Variants in TMC1 observed in about 807,000 individuals in gnomAD.
TMC1 encodes the protein transmembrane channel-like protein 1.
TMC1 carries 84 observed loss-of-function variants against 105.8 expected under a neutral mutation model. The ratio of observed to expected loss-of-function variants is 0.79; its 90% CI spans 0.67 to 0.95. The LOEUF is 0.95. Ranked by LOEUF, TMC1 falls within the 40% of genes least tolerant of loss-of-function variation. The pLI, the probability that TMC1 is intolerant of heterozygous loss-of-function variation, is 0.00. For missense variants in TMC1, 817 were observed against 914.1 expected (o/e 0.89, Z 1.37); for synonymous variants, 315 against 311.5 (o/e 1.01, Z -0.12).
At chr9:72,640,843 G>A (rs1452942862) in intron 4 of TMC1, among the ~76,000 whole-genome samples, 3 of 152,034 alleles carry the variant, frequency 2.0e-5, no homozygotes, top group African/African-American at 7.2e-5. Flanking sequence ...GTGTTAGCCA[G>A]GATGATCTCA....
At chr9:72,686,626 G>C (rs1349536295) in intron 5 of TMC1, among the ~76,000 whole-genome samples, 1 of 152,124 alleles carries the variant, frequency 6.6e-6, no homozygotes, top group Non-Finnish European at 1.5e-5. Flanking sequence ...CCTTTGCTGA[G>C]GGTTTGAATC....
At chr9:72,725,363 A>ATATATG (rs1227819722) in intron 8 of TMC1, among the ~76,000 whole-genome samples, 1 of 83,000 alleles carries the variant, frequency 1.2e-5, no homozygotes, top group African/African-American at 5.2e-5. Flanking sequence ...ATATATATAT[A>ATATATG]TATATGTATA....
At chr9:72,784,802 G>A (rs2118165978) in intron 13 of TMC1, among the ~76,000 whole-genome samples, 1 of 152,302 alleles carries the variant, frequency 6.6e-6, no homozygotes, top group South Asian at 2.1e-4. Flanking sequence ...CATTGATGAA[G>A]CTGGAGGCCA....
chr9:72,538,907 AG>A (rs1439015920), intron 1 of TMC1, among the ~76,000 whole-genome samples: 1 of 152,116 alleles, frequency 6.6e-6, no homozygotes, highest in African/African-American at 2.4e-5. Flanking sequence ...TAAACTCCAA[AG>A]GGGGAGGGTG....
chr9:72,771,740 T>C (rs367843766), intron 12 of TMC1, among the ~76,000 whole-genome samples: 1 of 152,198 alleles, frequency 6.6e-6, no homozygotes, highest in Non-Finnish European at 1.5e-5. Context: ...CATCAGAATA[T>C]GCCAATGTTC....
intron 18 of TMC1, among the ~76,000 whole-genome samples, chr9:72,807,947 A>AAC (rs1172385233): frequency 6.6e-6 from 1 of 152,154 alleles, no homozygotes; most frequent in Middle Eastern, 3.2e-3. Flanking sequence ...CAGGTCCCCC[A>AAC]ACAAAGTCTG....
At chr9:72,729,572 A>C (rs947637359) in intron 8 of TMC1, among the ~76,000 whole-genome samples, 2 of 152,140 alleles carry the variant, frequency 1.3e-5, no homozygotes, top group African/African-American at 4.8e-5. Context: ...AATTATATAT[A>C]ATATAGTAGC....
chr9:72,598,284 C>T (rs939294625), intron 2 of TMC1, among the ~76,000 whole-genome samples: 4 of 152,174 alleles, frequency 2.6e-5, no homozygotes, highest in South Asian at 4.1e-4. Context: ...GACAACCCAT[C>T]GACTTGGGGT....
intron 2 of TMC1, among the ~76,000 whole-genome samples, chr9:72,603,648 C>T (rs1824858397): frequency 6.6e-6 from 1 of 152,096 alleles, no homozygotes; most frequent in Non-Finnish European, 1.5e-5. Flanking sequence ...CTTTTGGGTT[C>T]AAGCAATTCT....
chr9:72,694,495 G>A, intron 6 of TMC1, 48 bp from the exon 7 acceptor site: 1 of 1,567,988 alleles, frequency 6.4e-7, no homozygotes. Flanking sequence ...TTGGTAGTGG[G>A]AGGAAGCACT....
intron 1 of TMC1, among the ~76,000 whole-genome samples, chr9:72,545,509 G>A (rs1183434893): frequency 6.6e-6 from 1 of 151,850 alleles, no homozygotes; most frequent in Non-Finnish European, 1.5e-5. Flanking sequence ...TTTGTTTTTG[G>A]CACAGTCTCA....
intron 10 of TMC1, among the ~76,000 whole-genome samples, chr9:72,751,321 AG>A (rs1220373285): frequency 6.6e-6 from 1 of 152,268 alleles, no homozygotes; most frequent in East Asian, 1.9e-4. Flanking sequence ...GTAAAATTCC[AG>A]TAATGGGGGA....
intron 7 of TMC1, among the ~76,000 whole-genome samples, chr9:72,698,743 C>CTGCTTTT (rs1826593175): frequency 6.6e-6 from 1 of 152,042 alleles, no homozygotes; most frequent in Non-Finnish European, 1.5e-5. Flanking sequence ...GAGGAAAGAC[C>CTGCTTTT]CTAGGAGCTA....
At chr9:72,795,816 A>G (rs1828354671) in intron 17 of TMC1, among the ~76,000 whole-genome samples, 1 of 152,094 alleles carries the variant, frequency 6.6e-6, no homozygotes, top group Non-Finnish European at 1.5e-5. Context: ...TTGAATGTAA[A>G]TGGGCTAAAT....
chr9:72,785,906 C>T (rs1828160743), intron 13 of TMC1, among the ~76,000 whole-genome samples: 1 of 152,160 alleles, frequency 6.6e-6, no homozygotes, highest in Non-Finnish European at 1.5e-5. Context: ...CAGTAATTTT[C>T]TTTTTCTTGT....
chr9:72,807,150 T>G (rs1019480214), intron 18 of TMC1, among the ~76,000 whole-genome samples: 1 of 152,162 alleles, frequency 6.6e-6, no homozygotes, highest in Non-Finnish European at 1.5e-5. Context: ...GCACTCGGCA[T>G]GCTCAGTCAG....
chr9:72,816,500 A>C (rs1388323208), intron 19 of TMC1, among the ~76,000 whole-genome samples: 1 of 152,190 alleles, frequency 6.6e-6, no homozygotes, highest in African/African-American at 2.4e-5. Flanking sequence ...TGACGCCAGG[A>C]TCTAATATTA....
Position 72,603,848 on chromosome 9 carries a change from GTTTTTTTTTTTTTTTTT to G in TMC1, c.-305-12508_-305-12492del, listed in dbSNP as rs534608884. Among the ~76,000 whole-genome samples, 4 of 74,006 alleles carry G rather than the reference GTTTTTTTTTTTTTTTTT, an allele frequency of 5.4e-5. No individual in the cohort carries two copies. In the East Asian group the frequency reaches 1.4e-3, roughly 25 times the overall value. 48.6% of individuals were successfully genotyped at this position (74,006 alleles called of 152,430 possible). A position where few individuals can be genotyped will look rare whatever the true frequency, so the allele number is the denominator to read the frequency against. The stretch of plus-strand genomic sequence containing the variant: ...CAGGTGTGAGCCACTGCGACCGGCT[GTTTTTTTTTTTTTTTTT>G]TTTTTTTTTTTCTTTTTTGAGACGG... On this transcript the variant is annotated intron_variant, in intron 2 of 23. Transcript: ENST00000297784.
chr9:72,617,607 C>A (rs1825156828), intron 3 of TMC1, among the ~76,000 whole-genome samples: 1 of 152,046 alleles, frequency 6.6e-6, no homozygotes, highest in African/African-American at 2.4e-5. Flanking sequence ...GTATTTTATT[C>A]ATCACACAGG....
Sources: allele counts gnomAD v4.1 joint callset (sites outside exome capture counted in the v4.1 genomes callset), GRCh38; gene constraint gnomAD v4.1.1; transcripts MANE v1.5; gene names NCBI Gene and HGNC (gene_info 2026-07-23, HGNC 2026-07-21).